Variants in KBTBD7 observed in about 807,000 individuals in gnomAD.
KBTBD7 encodes kelch repeat and BTB domain containing 7.
Under a neutral mutation model 50.3 loss-of-function variants are expected in KBTBD7, and 25 were observed. That is an observed-to-expected ratio of 0.50 (90% CI 0.36 to 0.69). The LOEUF (loss-of-function observed/expected upper bound fraction) is 0.69. KBTBD7 is among the 30% of genes least tolerant of loss of function. The probability of loss-of-function intolerance (pLI) is 0.00; values close to 1 mark genes in which losing one functional copy is unlikely to be tolerated. For missense variants in KBTBD7, 653 were observed against 869.5 expected (o/e 0.75, Z 3.13); for synonymous variants, 305 against 325.3 (o/e 0.94, Z 0.67).
chr13:41,192,102 A>G lies in KBTBD7; in HGVS notation c.*101T>C. On this transcript the variant is annotated 3_prime_UTR_variant, in exon 1 of 1. Transcript: ENST00000379483. ...CAAAATATTACCCTTTCTAAACCAA[A>G]TCTGTGGTCCTAATCAACTTTTTTT... 4.2e-6 allele frequency: 5 copies of G among 1,182,234 alleles called. No homozygotes were observed. Among genetic ancestry groups the G allele is most frequent in the Non-Finnish European group, 6.0e-6 (5 of 830,220 alleles). The allele number at this position is 1,182,234 out of a possible 1,614,324, so 73.2% of individuals were successfully genotyped here.
Position 41,193,744 on chromosome 13 carries a change from T to C in KBTBD7, c.514A>G (p.Asn172Asp). The C allele has an allele frequency of 1.2e-6, 2 of 1,614,190 alleles. No individual in the cohort carries two copies. The highest frequency in any genetic ancestry group is 1.7e-6 in the Non-Finnish European group (2 of 1,180,026). ...SFLARRLDLT[N>D]CTAILKFADA... is the part of the protein sequence containing the mutation. ...GCAAACTTGAGGATGGCGGTGCAGT[T>C]GGTCAGGTCAAGACGTCGGGCTAAG... The change falls in exon 1 of 1, where the codon AAC (asparagine) becomes GAC (aspartate). Residue 172 changes from asparagine to aspartate, a missense_variant. By Grantham distance (23) the Asn-to-Asp change is conservative. Around this residue, in one of 3 missense-constraint regions of KBTBD7, gnomAD observed 526 missense variants for 717.1 expected, o/e 0.73. Transcript: ENST00000379483. The surrounding 1 kb of genome is among the most constrained non-coding windows in gnomAD (Gnocchi z 5.7).
chr13:41,192,235 G>T lies in KBTBD7; in HGVS notation c.2023C>A (p.Arg675=). ...GAACCCTGCTGATCCTGTGCATTTC[G>T]CTGAGGTGCTACTTGCACCCAGACT... ...DEVWVQVAPQ[R]NAQDQQGSL The change falls in exon 1 of 1, where the codon CGA becomes AGA. Residue 675 remains arginine (R), a synonymous_variant. Coordinates refer to ENST00000379483, the MANE Select transcript of KBTBD7 (RefSeq NM_032138.7). The T allele has an allele frequency of 6.2e-7, 1 of 1,613,778 alleles. No individual in the cohort carries two copies. Among genetic ancestry groups the T allele is most frequent in the Non-Finnish European group, 8.5e-7 (1 of 1,179,852 alleles).
In KBTBD7 at chr13:41,191,517, A is replaced by G. The variant is rs1484406692; in HGVS notation, c.*686T>C. 6.8e-6 allele frequency: 1 copy of G among 146,010 alleles called. No homozygotes were observed. The highest frequency in any genetic ancestry group is 2.0e-4 in the East Asian group (1 of 4,994). 9.0% of individuals were successfully genotyped at this position (146,010 alleles called of 1,614,324 possible). The stretch of plus-strand genomic sequence containing the variant: ...ATTTTATATTCCAAAATAAAAACTG[A>G]GATTTCTTTTAAAACAGTGGAATCC... On this transcript the variant is annotated 3_prime_UTR_variant, in exon 1 of 1. Transcript: ENST00000379483.
chr13:41,194,331 T>C lies in KBTBD7; in HGVS notation c.-74A>G, dbSNP rs1593480060. 1 of 1,546,138 alleles carries C rather than the reference T, an allele frequency of 6.5e-7. No individual in the cohort carries two copies. The highest frequency in any genetic ancestry group is 1.4e-5 in the African/African-American group (1 of 73,042). Reference sequence around the variant, plus strand: ...GCTCTGGCTCCTCCTCAACCTTCCCTCGCTGACGCTAAGACAAGCCGCGTC... The same window carrying C: ...GCTCTGGCTCCTCCTCAACCTTCCCCCGCTGACGCTAAGACAAGCCGCGTC... On this transcript the variant is annotated 5_prime_UTR_variant, in exon 1 of 1. Coordinates refer to ENST00000379483, the MANE Select transcript of KBTBD7 (RefSeq NM_032138.7).
rs2031346788 is a variant in KBTBD7 at position 41,189,936 on chromosome 13, ACCAAGATCCTTC to A, written c.*2255_*2266del. The A allele has an allele frequency of 6.6e-6, 1 of 152,150 alleles. No homozygotes were observed. Among genetic ancestry groups the A allele is most frequent in the Non-Finnish European group, 1.5e-5 (1 of 68,018 alleles). 9.4% of individuals were successfully genotyped at this position (152,150 alleles called of 1,614,324 possible). A position where few individuals can be genotyped will look rare whatever the true frequency, so the allele number is the denominator to read the frequency against. On this transcript the variant is annotated 3_prime_UTR_variant, in exon 1 of 1. Coordinates refer to ENST00000379483, the MANE Select transcript of KBTBD7 (RefSeq NM_032138.7). ...CCTTAATTCACAAATAGATCACAAA[ACCAAGATCCTTC>A]CCAAGAAAACCTTACTGTAAACCAA...
Position 41,191,552 on chromosome 13 carries a change from C to CTTTTT in KBTBD7, c.*646_*650dup, listed in dbSNP as rs1206275963. On this transcript the variant is annotated 3_prime_UTR_variant, in exon 1 of 1. Coordinates refer to ENST00000379483, the MANE Select transcript of KBTBD7 (RefSeq NM_032138.7). ...TAAAACAGTGGAATCCTGATTTTTT[C>CTTTTT]TTTTTTTTTTTTTTTTTTTTTACTT... 3 of 50,824 alleles carry CTTTTT rather than the reference C, an allele frequency of 5.9e-5. No individual in the cohort carries two copies. Among genetic ancestry groups the CTTTTT allele is most frequent in the African/African-American group, 8.2e-5 (2 of 24,340 alleles). 3.1% of individuals were successfully genotyped at this position (50,824 alleles called of 1,614,324 possible).
Position 41,192,144 on chromosome 13 carries a change from A to G in KBTBD7, c.*59T>C, listed in dbSNP as rs931122605. 8.0e-6 allele frequency: 12 copies of G among 1,496,132 alleles called. No individual in the cohort carries two copies. Among genetic ancestry groups the G allele is most frequent in the Middle Eastern group, 1.8e-4 (1 of 5,608 alleles). 92.7% of individuals were successfully genotyped at this position (1,496,132 alleles called of 1,614,324 possible). A position where few individuals can be genotyped will look rare whatever the true frequency, so the allele number is the denominator to read the frequency against. ...ACTTTTTTTCCAAGAAAAAGAAACG[A>G]TATGTGTTTAAAATACATTCCGTAG... On this transcript the variant is annotated 3_prime_UTR_variant, in exon 1 of 1. Transcript: ENST00000379483.
rs1206275963 is a variant in KBTBD7, at chr13:41,191,552, C to CTTTT, written c.*647_*650dup. On this transcript the variant is annotated 3_prime_UTR_variant, in exon 1 of 1. Transcript: ENST00000379483. The stretch of plus-strand genomic sequence containing the variant: ...TAAAACAGTGGAATCCTGATTTTTT[C>CTTTT]TTTTTTTTTTTTTTTTTTTTTACTT... 9.8e-5 allele frequency: 5 copies of CTTTT among 50,822 alleles called. No individual in the cohort carries two copies. Among genetic ancestry groups the CTTTT allele is most frequent in the African/African-American group, 1.6e-4 (4 of 24,338 alleles). 3.1% of individuals were successfully genotyped at this position (50,822 alleles called of 1,614,324 possible).
At position 41,192,692 on chromosome 13, in the gene KBTBD7, AT is replaced by A. The variant is rs1566246965; in HGVS notation, c.1565del (p.Asn522MetfsTer13). The part of the protein sequence containing the change: ...RSDFQEACVF[N>X]DEIYCICDIP... ...TGTCACAGATACAATAGATTTCATCATTGAAGACACATGCTTCCTGAAAGTC... is the reference window on the plus strand; with the variant it reads ...TGTCACAGATACAATAGATTTCATCATGAAGACACATGCTTCCTGAAAGTC... On this transcript the variant is annotated frameshift_variant, in exon 1 of 1. Coordinates refer to ENST00000379483, the MANE Select transcript of KBTBD7 (RefSeq NM_032138.7). LOFTEE classifies it high-confidence loss of function. 1.2e-6 allele frequency: 2 copies of A among 1,614,224 alleles called. No individual in the cohort carries two copies. Among genetic ancestry groups the A allele is most frequent in the Non-Finnish European group, 8.5e-7 (1 of 1,180,050 alleles).
rs555727019 is a variant in KBTBD7, at chr13:41,190,366, A to G, written c.*1837T>C. On this transcript the variant is annotated 3_prime_UTR_variant, in exon 1 of 1. Transcript: ENST00000379483. ...TAACGTTAAACTTGTAGACTGTTCAAATGGCCAATCAAAATGACTAAGAAA... is the reference window on the plus strand; with the variant it reads ...TAACGTTAAACTTGTAGACTGTTCAGATGGCCAATCAAAATGACTAAGAAA... 3 of 152,308 alleles carry G rather than the reference A, an allele frequency of 2.0e-5. No individual in the cohort carries two copies. Among genetic ancestry groups the G allele is most frequent in the African/African-American group, 7.2e-5 (3 of 41,576 alleles). The allele number at this position is 152,308 out of a possible 1,614,324, so 9.4% of individuals were successfully genotyped here.
In KBTBD7 at chr13:41,192,457, T is replaced by C; in HGVS notation, c.1801A>G (p.Met601Val). Reference sequence around the variant, plus strand: ...GAGTCAAACTGCAAAAGGCCTAACATGGTACCTATATTAATCCACTGATCT... The same window carrying C: ...GAGTCAAACTGCAAAAGGCCTAACACGGTACCTATATTAATCCACTGATCT... ...REDQWINIGTMLGLLQFDSGF... is the reference protein window; with the variant it reads ...REDQWINIGTVLGLLQFDSGF... The change falls in exon 1 of 1, where the codon ATG becomes GTG. Residue 601 changes from methionine to valine, a missense_variant. Physicochemically the swap from Met to Val is conservative, Grantham distance 21. Transcript: ENST00000379483. 6.2e-7 allele frequency: 1 copy of C among 1,614,168 alleles called. No homozygotes were observed. The highest frequency in any genetic ancestry group is 8.5e-7 in the Non-Finnish European group (1 of 1,180,022).
At position 41,194,408 on chromosome 13, in the gene KBTBD7, G is replaced by A. The variant is rs1279240759; in HGVS notation, c.-151C>T. 5 of 1,022,792 alleles carry A rather than the reference G, an allele frequency of 4.9e-6. No homozygotes were observed. The highest frequency in any genetic ancestry group is 2.9e-5 in the Admixed American group (1 of 34,736). 63.4% of individuals were successfully genotyped at this position (1,022,792 alleles called of 1,614,324 possible). On this transcript the variant is annotated 5_prime_UTR_variant, in exon 1 of 1. Transcript: ENST00000379483. ...ACTTCTGAATTCAGCCCTATCCCGC[G>A]GTGAGGCCTCCCTTTATTGCATAGA...
rs1205738391 is a variant in KBTBD7, at chr13:41,193,616, TAG to T, written c.640_641del (p.Leu214SerfsTer16). 3 of 1,614,226 alleles carry T rather than the reference TAG, an allele frequency of 1.9e-6. No homozygotes were observed. Among genetic ancestry groups the T allele is most frequent in the South Asian group, 1.1e-5 (1 of 91,082 alleles). On this transcript the variant is annotated frameshift_variant, in exon 1 of 1. Transcript: ENST00000379483. LOFTEE classifies it high-confidence loss of function. This position sits in a 1 kb window ranked among gnomAD's most constrained non-coding sequence, Gnocchi z 5.7. ...GCAGCTGGGCCAGGGTTAGATCTGCTAGAGTCTCCTCCCGAATTGAACCCATT... is the reference window on the plus strand; with the variant it reads ...GCAGCTGGGCCAGGGTTAGATCTGCTAGTCTCCTCCCGAATTGAACCCATT... ...SRMGSIREET[L>X]ADLTLAQLLA...
At position 41,193,823 on chromosome 13, in the gene KBTBD7, G is replaced by A. The variant is rs140877303; in HGVS notation, c.435C>T (p.Tyr145=). The part of the protein sequence containing the change: ...SLSEANVQRL[Y]AASDMLQLEY... ...CCAGCTGTAGCATGTCGGAGGCCGC[G>A]TACAGGCGCTGCACATTGGCCTCAC... Residue 145 remains tyrosine, a synonymous_variant, in exon 1 of 1, where the codon TAC becomes TAT. Transcript: ENST00000379483. This position sits in a 1 kb window ranked among gnomAD's most constrained non-coding sequence, Gnocchi z 5.7. 4.2e-3 allele frequency: 6,713 copies of A among 1,614,178 alleles called. 441 individuals carry two copies. In the Admixed American group the frequency reaches 0.11, roughly 26 times the overall value.
chr13:41,190,280 G>C lies in KBTBD7; in HGVS notation c.*1923C>G, dbSNP rs140041976. Reference sequence around the variant, plus strand: ...CAAAATTTAGCTTTAGGTCACTAAAGCATGTTTACCCTTTTGAAGAAACAT... The same window carrying C: ...CAAAATTTAGCTTTAGGTCACTAAACCATGTTTACCCTTTTGAAGAAACAT... On this transcript the variant is annotated 3_prime_UTR_variant, in exon 1 of 1. Coordinates refer to ENST00000379483, the MANE Select transcript of KBTBD7 (RefSeq NM_032138.7). 8.5e-5 allele frequency: 13 copies of C among 152,286 alleles called. No individual in the cohort carries two copies. The East Asian group carries it at 1.7e-3, about 20-fold the overall frequency. 9.4% of individuals were successfully genotyped at this position (152,286 alleles called of 1,614,324 possible).
Position 41,193,077 on chromosome 13 carries a change from T to C in KBTBD7, c.1181A>G (p.Asp394Gly). 3 of 1,614,226 alleles carry C rather than the reference T, an allele frequency of 1.9e-6. No homozygotes were observed. The highest frequency in any genetic ancestry group is 2.5e-6 in the Non-Finnish European group (3 of 1,180,042). The change falls in exon 1 of 1, where the codon GAC (aspartate) becomes GGC (glycine). Residue 394 changes from aspartate to glycine, a missense_variant. Asp to Gly is a moderately conservative substitution (Grantham distance 94). This residue lies in a region of KBTBD7 where 526 missense variants were observed against 717.1 expected (regional missense o/e 0.73). Coordinates refer to ENST00000379483, the MANE Select transcript of KBTBD7 (RefSeq NM_032138.7). The surrounding 1 kb of genome is among the most constrained non-coding windows in gnomAD (Gnocchi z 5.7). Reference sequence around the variant, plus strand: ...CCTGGGCTGAGCAGCTAGATAGATGTCATGGTCTGGGGACACACAGACAGC... The same window carrying C: ...CCTGGGCTGAGCAGCTAGATAGATGCCATGGTCTGGGGACACACAGACAGC... The part of the protein sequence containing the change: ...SSAVCVSPDH[D>G]IYLAAQPRKD...
rs548253405 is a variant in KBTBD7, at chr13:41,193,976, G to C, written c.282C>G (p.Pro94=). The C allele has an allele frequency of 1.2e-6, 2 of 1,614,120 alleles. No homozygotes were observed. The highest frequency in any genetic ancestry group is 1.6e-4 in the Middle Eastern group (1 of 6,062). ...CACCTGTGAACATGCTCTTGAAGTAGGGACACGCAGCTGCTAGCACGTTGC... is the reference window on the plus strand; with the variant it reads ...CACCTGTGAACATGCTCTTGAAGTACGGACACGCAGCTGCTAGCACGTTGC... ...CNRNVLAAAC[P]YFKSMFTGGM... The change falls in exon 1 of 1, where the codon CCC becomes CCG. Residue 94 remains proline, a synonymous_variant. Transcript: ENST00000379483. The surrounding 1 kb of genome is among the most constrained non-coding windows in gnomAD (Gnocchi z 5.7).
Position 41,193,600 on chromosome 13 carries a change from C to T in KBTBD7, c.658G>A (p.Ala220Thr). 1 of 1,614,152 alleles carries T rather than the reference C, an allele frequency of 6.2e-7. No individual in the cohort carries two copies. Among genetic ancestry groups the T allele is most frequent in the Non-Finnish European group, 8.5e-7 (1 of 1,180,030 alleles). Residue 220 changes from alanine to threonine, a missense_variant, in exon 1 of 1, where the codon GCC becomes ACC. Physicochemically the swap from Ala to Thr is moderately conservative, Grantham distance 58. Transcript: ENST00000379483. This position sits in a 1 kb window ranked among gnomAD's most constrained non-coding sequence, Gnocchi z 5.7. Reference sequence around the variant, plus strand: ...AGGCGTAGGACAGCCAGCAGCTGGGCCAGGGTTAGATCTGCTAGAGTCTCC... The same window carrying T: ...AGGCGTAGGACAGCCAGCAGCTGGGTCAGGGTTAGATCTGCTAGAGTCTCC... The part of the protein sequence containing the change: ...REETLADLTL[A>T]QLLAVLRLDS...
rs374359835 is a variant in KBTBD7, at chr13:41,192,418, G to C, written c.1840C>G (p.Leu614Val). The change falls in exon 1 of 1, where the codon CTT (leucine) becomes GTT (valine). Residue 614 changes from leucine (L) to valine (V), a missense_variant. This residue lies in a region of KBTBD7 where 526 missense variants were observed against 717.1 expected (regional missense o/e 0.73). Transcript: ENST00000379483. ...CAGGAAGGATAAACACGAGCACAAA[G>C]GCAAATAAAGCCAGAGTCAAACTGC... ...LLQFDSGFIC[L>V]CARVYPSCLE... The C allele has an allele frequency of 1.9e-6, 3 of 1,614,128 alleles. No homozygotes were observed. The highest frequency in any genetic ancestry group is 2.5e-6 in the Non-Finnish European group (3 of 1,180,032).
Sources: allele counts gnomAD v4.1 joint callset, GRCh38; gene constraint gnomAD v4.1.1; regional missense constraint gnomAD v4.1.1; non-coding constraint Gnocchi (gnomAD v3.1); transcripts MANE v1.5; gene names NCBI Gene and HGNC (gene_info 2026-07-23, HGNC 2026-07-21).